FILIP1: variants seen among roughly 807,000 people sequenced by gnomAD.
FILIP1 encodes filamin A interacting protein 1.
FILIP1 carries 61 observed loss-of-function variants against 102.1 expected under a neutral mutation model. The observed-to-expected ratio is 0.60, with a 90% CI of 0.49 to 0.74. FILIP1 has a LOEUF of 0.74. Ranked by LOEUF, FILIP1 falls within the 30% of genes least tolerant of loss-of-function variation. FILIP1 has a pLI of 0.00. For missense variants in FILIP1, 1,314 were observed against 1,441.2 expected, an observed-to-expected ratio of 0.91 and a Z score of 1.43; for synonymous variants, 491 against 526.9, an observed-to-expected ratio of 0.93 and a Z score of 0.93.
At chr6:75,417,762 A>G (rs1777318571) in intron 1 of FILIP1, among the ~76,000 whole-genome samples, 1 of 152,206 alleles carries the variant, frequency 6.6e-6, no homozygotes, top group South Asian at 2.1e-4. Flanking sequence ...AGCTACTCCT[A>G]GTGGAGAGAA....
At chr6:75,333,956 G>A (rs1019905618) in intron 4 of FILIP1, among the ~76,000 whole-genome samples, 5 of 152,044 alleles carry the variant, frequency 3.3e-5, no homozygotes, top group South Asian at 2.1e-4. Context: ...CACACTGAGT[G>A]TTTCAGAACA....
At chr6:75,402,674 T>C (rs1324322744) in intron 2 of FILIP1, among the ~76,000 whole-genome samples, 1 of 152,182 alleles carries the variant, frequency 6.6e-6, no homozygotes, top group Non-Finnish European at 1.5e-5. Context: ...TTGTTCTTGG[T>C]TGCACAAGTA....
intron 1 of FILIP1, among the ~76,000 whole-genome samples, chr6:75,461,882 G>C (rs887572204): frequency 9.2e-5 from 14 of 152,104 alleles, no homozygotes; most frequent in African/African-American, 2.4e-4. Context: ...GTGCTCAGAG[G>C]GGGCAATAGG....
At chr6:75,353,376 T>C (rs1305555754) in intron 4 of FILIP1, among the ~76,000 whole-genome samples, 163 bp downstream of exon 4, 1 of 152,142 alleles carries the variant, frequency 6.6e-6, no homozygotes, top group Non-Finnish European at 1.5e-5. Flanking sequence ...TCAGGTAAAA[T>C]TCTGTATCAT....
chr6:75,398,748 G>A (rs1238075715), intron 2 of FILIP1: 1 of 152,154 alleles, frequency 6.6e-6, no homozygotes, highest in African/African-American at 2.4e-5. Flanking sequence ...GGACATGCTG[G>A]TCTACATTTT....
At chr6:75,318,792 A>G (rs1179301844) in intron 4 of FILIP1, among the ~76,000 whole-genome samples, 3 of 152,172 alleles carry the variant, frequency 2.0e-5, no homozygotes, top group South Asian at 2.1e-4. Context: ...ATCTATGCCA[A>G]TTAACAACCT....
In FILIP1 at chr6:75,372,673, GAAAGAAAGAAAGAGAAAGAAAGAGAA is replaced by G. The variant is rs1562514604; in HGVS notation, c.277-9782_277-9757del. Among the ~76,000 whole-genome samples, 4 of 57,024 alleles carry G rather than the reference GAAAGAAAGAAAGAGAAAGAAAGAGAA, an allele frequency of 7.0e-5. 1 individual carries two copies. Among genetic ancestry groups the G allele is most frequent in the African/African-American group, 3.9e-4 (4 of 10,166 alleles). The allele number at this position is 57,024 out of a possible 152,430, so 37.4% of individuals were successfully genotyped here. ...AGAAAGAAAGAAAGAAAGAAAGAAA[GAAAGAAAGAAAGAGAAAGAAAGAGAA>G]AGAAAGAAAGAAAGGAAAGAAAGAG... On this transcript the variant is annotated intron_variant, in intron 2 of 5. Transcript: ENST00000237172.
At chr6:75,458,113 T>C (rs74962934) in intron 1 of FILIP1, 7 of 152,334 alleles carry the variant, frequency 4.6e-5, no homozygotes, top group Middle Eastern at 3.4e-3. Flanking sequence ...CGATTCATTC[T>C]TTATCTGACA....
chr6:75,476,021 A>G (rs1779464550), intron 1 of FILIP1, among the ~76,000 whole-genome samples: 1 of 152,138 alleles, frequency 6.6e-6, no homozygotes, highest in Admixed American at 6.6e-5. Context: ...CAGGAGGTTC[A>G]CTTGAGGTTA....
rs187990757 is a variant in FILIP1, at chr6:75,410,886, T to C, written c.276+3811A>G. On this transcript the variant is annotated intron_variant, in intron 2 of 5. Coordinates refer to ENST00000237172, the MANE Select transcript of FILIP1 (RefSeq NM_015687.5). ...AATAGTGCTGCAATAAACATATGTGTGCATGTGTCTTTACAGTAGAATGAT... is the reference window on the plus strand; with the variant it reads ...AATAGTGCTGCAATAAACATATGTGCGCATGTGTCTTTACAGTAGAATGAT... Among the ~76,000 whole-genome samples, 67 of 152,354 alleles carry C rather than the reference T, an allele frequency of 4.4e-4. No homozygotes were observed. In the East Asian group the frequency reaches 0.013, roughly 29 times the overall value.
intron 1 of FILIP1, among the ~76,000 whole-genome samples, chr6:75,434,270 T>C (rs9447481): frequency 0.047 from 7,154 of 152,284 alleles, 541 homozygotes; most frequent in African/African-American, 0.16. Context: ...ATCTATAAAT[T>C]ACCTTAGGCA....
intron 1 of FILIP1, among the ~76,000 whole-genome samples, chr6:75,441,001 T>A (rs1311874514): frequency 4.0e-5 from 6 of 150,696 alleles, no homozygotes; most frequent in Non-Finnish European, 7.4e-5. Flanking sequence ...TTTTTTTTTT[T>A]ATTGATCATT....
intron 1 of FILIP1, among the ~76,000 whole-genome samples, chr6:75,452,690 T>C (rs1276505193): frequency 1.3e-5 from 2 of 152,210 alleles, no homozygotes; most frequent in Admixed American, 6.5e-5. Flanking sequence ...TTGTGCATAA[T>C]ACTAATCTTG....
chr6:75,458,288 A>T (rs1041721292), intron 1 of FILIP1: 1 of 152,212 alleles, frequency 6.6e-6, no homozygotes, highest in African/African-American at 2.4e-5. Flanking sequence ...CTCCGACAGC[A>T]CATCACAACA....
At chr6:75,429,014 T>TTTTTTCC (rs1777728555) in intron 1 of FILIP1, among the ~76,000 whole-genome samples, 1 of 152,152 alleles carries the variant, frequency 6.6e-6, no homozygotes, top group South Asian at 2.1e-4. Flanking sequence ...TTACTCACTA[T>TTTTTTCC]TACCTCTTTA....
chr6:75,366,205 A>G (rs1358911576), intron 2 of FILIP1: 1 of 152,218 alleles, frequency 6.6e-6, no homozygotes, highest in East Asian at 1.9e-4. Context: ...AACTATTTCC[A>G]TATGGTCTTT....
chr6:75,471,489 C>A (rs1429224225), intron 1 of FILIP1, among the ~76,000 whole-genome samples: 1 of 152,130 alleles, frequency 6.6e-6, no homozygotes, highest in African/African-American at 2.4e-5. Context: ...TTATACACTG[C>A]TGAAGGGAAT....
At chr6:75,450,467 C>A (rs562717172) in intron 1 of FILIP1, among the ~76,000 whole-genome samples, 13 of 151,878 alleles carry the variant, frequency 8.6e-5, no homozygotes, top group Admixed American at 2.6e-4. Context: ...GGCAATAAAG[C>A]AAGACCATAT....
chr6:75,453,918 A>G, intron 1 of FILIP1: 1 of 456,242 alleles, frequency 2.2e-6, no homozygotes, highest in South Asian at 1.6e-5. Context: ...GGTGCCACTA[A>G]TGAAGACAGA....
Sources: allele counts gnomAD v4.1 joint callset (sites outside exome capture counted in the v4.1 genomes callset), GRCh38; gene constraint gnomAD v4.1.1; transcripts MANE v1.5; gene names NCBI Gene and HGNC (gene_info 2026-07-23, HGNC 2026-07-21).